The following PEAK1 variants were observed in gnomAD, a reference collection of about 807,000 sequenced individuals.
PEAK1 encodes inactive tyrosine-protein kinase PEAK1.
Under a neutral mutation model 124.7 loss-of-function variants are expected in PEAK1, and 54 were observed. That is an observed-to-expected ratio of 0.43 (90% confidence interval 0.35 to 0.54). The LOEUF is 0.54. Among genes scored for constraint, PEAK1 ranks in the 20% least tolerant of loss-of-function variants. The pLI, the probability that PEAK1 is intolerant of heterozygous loss-of-function variation, is 0.01. For missense variants in PEAK1, 2,046 were observed against 2,134.5 expected (o/e 0.96, Z 0.82); for synonymous variants, 719 against 760.0 (o/e 0.95, Z 0.89).
intron 1 of PEAK1, chr15:77,370,959 G>A: frequency 1.8e-6 from 1 of 542,032 alleles, no homozygotes; most frequent in African/African-American, 2.1e-5. Context: ...GAACCCAGGA[G>A]GCGGAGGTTG....
At chr15:77,206,950 A>G (rs570984934) in intron 6 of PEAK1, among the ~76,000 whole-genome samples, 1 of 152,302 alleles carries the variant, frequency 6.6e-6, no homozygotes, top group Admixed American at 6.5e-5. Context: ...GAGCCCTCAG[A>G]AATAACGCCG....
At chr15:77,232,299 T>A (rs1042085768) in intron 6 of PEAK1, among the ~76,000 whole-genome samples, 2 of 148,868 alleles carry the variant, frequency 1.3e-5, no homozygotes, top group Non-Finnish European at 3.0e-5. Flanking sequence ...TCTGAGCAGA[T>A]GAACAGTGTC....
In PEAK1 at chr15:77,133,312, C is replaced by A; in HGVS notation, c.3770G>T (p.Arg1257Leu). The A allele has an allele frequency of 6.2e-7, 1 of 1,614,232 alleles. No individual in the cohort carries two copies. The highest frequency in any genetic ancestry group is 8.5e-7 in the Non-Finnish European group (1 of 1,180,046). ...GCCCTGTCTGCAAGAGGGCCCACGCCGGCTGGAGAGGGATTCCATGCTGTT... is the reference window on the plus strand; with the variant it reads ...GCCCTGTCTGCAAGAGGGCCCACGCAGGCTGGAGAGGGATTCCATGCTGTT... ...FSNSMESLSSRRGPSCRQGRG... is the reference protein window; with the variant it reads ...FSNSMESLSSLRGPSCRQGRG... The change falls in exon 9 of 10, where the codon CGG becomes CTG. Residue 1257 changes from arginine to leucine, a missense_variant. Transcript: ENST00000682557. This position sits in a 1 kb window ranked among gnomAD's most constrained non-coding sequence, Gnocchi z 4.2.
At chr15:77,392,547 GCATTTATACATTCATCTATTCCTA>G (rs2141934711) in intron 1 of PEAK1, among the ~76,000 whole-genome samples, 1 of 152,160 alleles carries the variant, frequency 6.6e-6, no homozygotes, top group South Asian at 2.1e-4. Context: ...CATATATATG[GCATTTATACATTCATCTATTCCTA>G]CATCTTCATG....
intron 6 of PEAK1, among the ~76,000 whole-genome samples, chr15:77,217,248 G>A (rs901618795): frequency 3.6e-5 from 5 of 140,706 alleles, no homozygotes; most frequent in Non-Finnish European, 6.2e-5. Flanking sequence ...AAAAAAAAAA[G>A]GGCAGGTTGT....
intron 6 of PEAK1, among the ~76,000 whole-genome samples, chr15:77,191,246 T>A (rs892311537): frequency 6.6e-6 from 1 of 152,208 alleles, no homozygotes; most frequent in Non-Finnish European, 1.5e-5. Flanking sequence ...AAAGCTCTTA[T>A]GAAAATGAAT....
intron 2 of PEAK1, chr15:77,346,301 A>C: frequency 1.1e-6 from 1 of 951,956 alleles, no homozygotes. Flanking sequence ...GCAGCAGGTC[A>C]TTATTTTGTT....
At chr15:77,305,413 T>G (rs190820137) in intron 2 of PEAK1, among the ~76,000 whole-genome samples, 1 of 152,046 alleles carries the variant, frequency 6.6e-6, no homozygotes, top group East Asian at 1.9e-4. Context: ...AAAGTCCACA[T>G]AGCAGCTAAA....
At position 77,165,753 on chromosome 15, in the gene PEAK1, G is replaced by C. The variant is rs114899901; in HGVS notation, c.3138-7057C>G. Among the ~76,000 whole-genome samples the C allele has an allele frequency of 4.3e-3, 648 of 152,290 alleles. 1 individual carries two copies. The highest frequency in any genetic ancestry group is 0.013 in the African/African-American group (554 of 41,558). ...AGCTACTCAGCACTGCACAAGCTGT[G>C]CATTTTTCCACTTAATTCATGAAAA... On this transcript the variant is annotated intron_variant, in intron 7 of 9. Coordinates refer to ENST00000682557, the MANE Select transcript of PEAK1 (RefSeq NM_001385026.1).
chr15:77,127,106 G>A (rs1449446578), intron 9 of PEAK1, among the ~76,000 whole-genome samples: 1 of 151,392 alleles, frequency 6.6e-6, no homozygotes, highest in African/African-American at 2.4e-5. Context: ...TCTAAGAACA[G>A]ACACTGGGGC....
intron 1 of PEAK1, among the ~76,000 whole-genome samples, chr15:77,409,357 G>A (rs140538889): frequency 4.3e-4 from 66 of 152,174 alleles, no homozygotes; most frequent in African/African-American, 1.5e-3. Context: ...ACCCTCTGAG[G>A]TTGATGCTAT....
At chr15:77,200,546 C>T (rs2058314693) in intron 6 of PEAK1, among the ~76,000 whole-genome samples, 1 of 152,154 alleles carries the variant, frequency 6.6e-6, no homozygotes, top group Non-Finnish European at 1.5e-5. Flanking sequence ...ACTTTATAAA[C>T]ATATTAAAGT....
intron 6 of PEAK1, among the ~76,000 whole-genome samples, chr15:77,236,418 C>G (rs937249190): frequency 1.3e-5 from 2 of 152,220 alleles, no homozygotes; most frequent in Non-Finnish European, 2.9e-5. Flanking sequence ...TCGTTTCCGA[C>G]TTGCATGAGG....
At chr15:77,345,692 G>C (rs1334984425) in intron 2 of PEAK1, 4 of 162,748 alleles carry the variant, frequency 2.5e-5, no homozygotes. Context: ...AGGGAACTTA[G>C]AGTTAACAAC....
chr15:77,242,574 G>A (rs569616777), intron 6 of PEAK1, among the ~76,000 whole-genome samples: 42 of 152,254 alleles, frequency 2.8e-4, no homozygotes, highest in African/African-American at 9.9e-4. Flanking sequence ...TGGCATGAAA[G>A]GATAAAGTAT....
chr15:77,324,951 A>G (rs754645222), intron 2 of PEAK1, among the ~76,000 whole-genome samples: 3 of 152,168 alleles, frequency 2.0e-5, no homozygotes, highest in Non-Finnish European at 4.4e-5. Context: ...TCAGACCCAC[A>G]ATCCATGTAA....
In PEAK1 at chr15:77,216,231, T is replaced by A. The variant is rs971027801; in HGVS notation, c.-114-34191A>T. 2.6e-5 allele frequency among the ~76,000 whole-genome samples: 4 copies of A among 152,194 alleles called. No homozygotes were observed. In the East Asian group the frequency reaches 7.7e-4, roughly 29 times the overall value. On this transcript the variant is annotated intron_variant, in intron 6 of 9. Coordinates refer to ENST00000682557, the MANE Select transcript of PEAK1 (RefSeq NM_001385026.1). ...TTTAATTTCCCTTTGGAACGTTTTG[T>A]ATTTTCAGTGTGTAAGTCTTTAATA...
At chr15:77,149,951 T>G (rs1358559388) in intron 8 of PEAK1, among the ~76,000 whole-genome samples, 2 of 152,114 alleles carry the variant, frequency 1.3e-5, no homozygotes, top group Non-Finnish European at 2.9e-5. Context: ...GGTTTTGCCA[T>G]GTTGCCTAGG....
intron 6 of PEAK1, among the ~76,000 whole-genome samples, chr15:77,196,036 C>T (rs150152321): frequency 6.6e-6 from 1 of 152,296 alleles, no homozygotes; most frequent in African/African-American, 2.4e-5. Context: ...GTTTAACCTT[C>T]GTAAGCAAGA....
Sources: gnomAD v4.1 joint callset for allele counts (sites outside exome capture counted in the v4.1 genomes callset) on GRCh38, gnomAD v4.1.1 for gene constraint, Gnocchi (gnomAD v3.1) non-coding constraint, MANE v1.5 for transcripts, NCBI Gene and HGNC (gene_info 2026-07-23, HGNC 2026-07-21) for gene names.